Variants in DLGAP2 observed in about 807,000 individuals in gnomAD.
The protein encoded by DLGAP2 is DLG associated protein 2.
Under a neutral mutation model 100.3 loss-of-function variants are expected in DLGAP2, and 26 were observed. That is an observed-to-expected ratio of 0.26 (90% CI 0.19 to 0.36). The LOEUF (loss-of-function observed/expected upper bound fraction) is 0.36. Among genes scored for constraint, DLGAP2 ranks in the 10% least tolerant of loss-of-function variants. DLGAP2 has a pLI of 1.00. For missense variants in DLGAP2, 1,858 were observed against 1,453.2 expected, an observed-to-expected ratio of 1.28 and a Z score of -4.53; for synonymous variants, 886 against 630.1, an observed-to-expected ratio of 1.41 and a Z score of -6.08.
chr8:1,167,042 G>A (rs1490141223), intron 2 of DLGAP2, among the ~76,000 whole-genome samples: 1 of 152,090 alleles, frequency 6.6e-6, no homozygotes, highest in Admixed American at 6.5e-5. Context: ...AGGCTGAGGT[G>A]GGAGGATCGC....
intron 12 of DLGAP2, among the ~76,000 whole-genome samples, chr8:1,689,904 G>C (rs1057180599): frequency 6.6e-6 from 1 of 152,220 alleles, no homozygotes; most frequent in Non-Finnish European, 1.5e-5. Flanking sequence ...GTGAATTGTT[G>C]CTCTGGCAAA....
intron 1 of DLGAP2, among the ~76,000 whole-genome samples, chr8:797,999 C>A (rs766358759): frequency 5.3e-5 from 8 of 152,134 alleles, no homozygotes; most frequent in Non-Finnish European, 1.0e-4. Context: ...ATACGCCCAC[C>A]TCGGCCTCCC....
chr8:1,647,350 G>A (rs953922651), intron 8 of DLGAP2, among the ~76,000 whole-genome samples: 5 of 151,620 alleles, frequency 3.3e-5, no homozygotes, highest in Admixed American at 1.3e-4. Context: ...TTAGCCAGGC[G>A]TCGTGGTGGG....
At chr8:1,430,999 G>A (rs1301315833) in intron 3 of DLGAP2, among the ~76,000 whole-genome samples, 1 of 152,150 alleles carries the variant, frequency 6.6e-6, no homozygotes, top group African/African-American at 2.4e-5. Context: ...TACAAGATGA[G>A]GCTAGCACTC....
chr8:1,155,276 G>A (rs939527314), intron 2 of DLGAP2, among the ~76,000 whole-genome samples: 2 of 152,130 alleles, frequency 1.3e-5, no homozygotes, highest in African/African-American at 2.4e-5. Flanking sequence ...GCTGCACTCC[G>A]TCTTCCCGGA....
intron 2 of DLGAP2, among the ~76,000 whole-genome samples, chr8:1,027,429 C>G (rs561879269): frequency 1.1e-4 from 17 of 149,040 alleles, no homozygotes; most frequent in Admixed American, 2.7e-4. Flanking sequence ...CTGTTATTCT[C>G]CAGGTGCGGT....
intron 2 of DLGAP2, among the ~76,000 whole-genome samples, chr8:1,221,402 C>A (rs1198956648): frequency 6.6e-6 from 1 of 152,178 alleles, no homozygotes; most frequent in Non-Finnish European, 1.5e-5. Context: ...AATTTCTTTT[C>A]TTTACGGATG....
chr8:1,067,843 C>G (rs1057061379), intron 2 of DLGAP2, among the ~76,000 whole-genome samples: 1 of 151,944 alleles, frequency 6.6e-6, no homozygotes, highest in Non-Finnish European at 1.5e-5. Flanking sequence ...TCGGCTCACT[C>G]TTGGCATTGT....
chr8:1,614,657 A>G (rs1186703344), intron 6 of DLGAP2, among the ~76,000 whole-genome samples: 1 of 152,208 alleles, frequency 6.6e-6, no homozygotes, highest in Admixed American at 6.5e-5. Flanking sequence ...TCCCCAAACC[A>G]ACAACTACAG....
intron 2 of DLGAP2, among the ~76,000 whole-genome samples, chr8:1,202,296 A>G (rs999577674): frequency 1.1e-4 from 17 of 149,324 alleles, no homozygotes; most frequent in East Asian, 4.0e-4. Context: ...TATGTAGTAT[A>G]TGTGTGTGTG....
intron 2 of DLGAP2, among the ~76,000 whole-genome samples, chr8:1,155,090 A>G (rs1796757189): frequency 6.6e-6 from 1 of 152,024 alleles, no homozygotes; most frequent in African/African-American, 2.4e-5. Flanking sequence ...CCTTCGTCGG[A>G]GGGGCCGTCT....
chr8:1,278,698 G>T (rs1585217485), intron 3 of DLGAP2, among the ~76,000 whole-genome samples: 3 of 152,150 alleles, frequency 2.0e-5, no homozygotes, highest in Non-Finnish European at 4.4e-5. Flanking sequence ...TTATCTATAT[G>T]TTTTAGGCAT....
At chr8:1,631,105 G>C (rs1797634358) in intron 7 of DLGAP2, among the ~76,000 whole-genome samples, 1 of 152,144 alleles carries the variant, frequency 6.6e-6, no homozygotes, top group African/African-American at 2.4e-5. Flanking sequence ...TTCCCTGCTG[G>C]ACCATCTTGA....
intron 3 of DLGAP2, among the ~76,000 whole-genome samples, chr8:1,360,875 G>C (rs911327664): frequency 1.3e-5 from 2 of 152,218 alleles, no homozygotes; most frequent in African/African-American, 4.8e-5. Flanking sequence ...AGAGACCCGG[G>C]AATGCTCTGG....
chr8:928,841 G>A (rs1798877392), intron 2 of DLGAP2, among the ~76,000 whole-genome samples: 1 of 152,000 alleles, frequency 6.6e-6, no homozygotes, highest in Non-Finnish European at 1.5e-5. Context: ...GGAGGAAACA[G>A]GAGCACTGAG....
intron 1 of DLGAP2, among the ~76,000 whole-genome samples, chr8:852,305 C>T (rs186323139): frequency 6.6e-6 from 1 of 152,196 alleles, no homozygotes; most frequent in Admixed American, 6.5e-5. Context: ...GGCTCTGCCT[C>T]CTGTCTCCAC....
intron 3 of DLGAP2, among the ~76,000 whole-genome samples, chr8:1,393,714 T>C (rs183006522): frequency 1 from 66 of 66 alleles, 33 homozygotes; most frequent in African/African-American, 1. Context: ...CCTCCTTGTC[T>C]TCCGGAGTCG....
intron 1 of DLGAP2, chr8:739,673 A>G (rs1169894581): frequency 6.6e-6 from 1 of 152,268 alleles, no homozygotes; most frequent in Non-Finnish European, 1.5e-5. Flanking sequence ...ATTTTCCAGT[A>G]GCCAAATTGT....
chr8:1,706,378 G>A lies in DLGAP2; in HGVS notation c.*4972G>A, dbSNP rs563095943. On this transcript the variant is annotated 3_prime_UTR_variant, in exon 15 of 15. Transcript: ENST00000637795. ...GTCCTTTGAGCTCCTGGGAACAGGT[G>A]GTGAAAGTGTGCGTTACTGCTAAGG... 6 of 152,306 alleles carry A rather than the reference G, an allele frequency of 3.9e-5. No individual in the cohort carries two copies. The South Asian group carries it at 8.3e-4, about 21-fold the overall frequency. The allele number at this position is 152,306 out of a possible 1,614,324, so 9.4% of individuals were successfully genotyped here. A position where few individuals can be genotyped will look rare whatever the true frequency, so the allele number is the denominator to read the frequency against.
Sources: allele counts gnomAD v4.1 joint callset (sites outside exome capture counted in the v4.1 genomes callset), GRCh38; gene constraint gnomAD v4.1.1; transcripts MANE v1.5; gene names NCBI Gene and HGNC (gene_info 2026-07-23, HGNC 2026-07-21).